Variants in NUCB1 observed in about 807,000 individuals in gnomAD.
NUCB1 encodes nucleobindin 1.
In NUCB1, 47 loss-of-function variants were observed where a neutral mutation model predicts 61.2. That is an observed-to-expected ratio of 0.77 (90% CI 0.61 to 0.98). The LOEUF is 0.98. NUCB1 is among the 50% of genes least tolerant of loss of function. NUCB1 has a pLI of 0.00. For missense variants in NUCB1, 583 were observed against 605.3 expected, an observed-to-expected ratio of 0.96 and a Z score of 0.39; for synonymous variants, 234 against 243.1, an observed-to-expected ratio of 0.96 and a Z score of 0.35.
chr19:48,913,640 G>A, intron 7 of NUCB1, 76 bp downstream of exon 7: 1 of 1,252,556 alleles, frequency 8.0e-7, no homozygotes, highest in Admixed American at 1.7e-5. Context: ...TGCTAAGAGG[G>A]GTGTGTCTGT....
rs2037631353 is a variant in NUCB1 at position 48,923,226 on chromosome 19, C to G, written c.*802C>G. On this transcript the variant is annotated 3_prime_UTR_variant, in exon 13 of 13. Coordinates refer to ENST00000405315, the MANE Select transcript of NUCB1 (RefSeq NM_006184.6). ...CACTGCTCCGCATCCTGCTGTGTGTCCTGTTCCATGTTCCGGTTCCATCCA... is the reference window on the plus strand; with the variant it reads ...CACTGCTCCGCATCCTGCTGTGTGTGCTGTTCCATGTTCCGGTTCCATCCA... 2 of 152,524 alleles carry G rather than the reference C, an allele frequency of 1.3e-5. No homozygotes were observed. Among genetic ancestry groups the G allele is most frequent in the African/African-American group, 4.8e-5 (2 of 41,470 alleles). The allele number at this position is 152,524 out of a possible 1,614,324, so 9.4% of individuals were successfully genotyped here. A position where few individuals can be genotyped will look rare whatever the true frequency, so the allele number is the denominator to read the frequency against.
intron 12 of NUCB1, 89 bp from the exon 13 acceptor site, chr19:48,922,229 G>C: frequency 9.2e-7 from 1 of 1,085,622 alleles, no homozygotes; most frequent in Non-Finnish European, 1.4e-6. Flanking sequence ...GGACCCCTGG[G>C]TGTGAGGGAG....
chr19:48,903,078 G>T (rs1185622714), intron 2 of NUCB1, among the ~76,000 whole-genome samples: 1 of 152,050 alleles, frequency 6.6e-6, no homozygotes, highest in Admixed American at 6.6e-5. Context: ...AAAGCACTGG[G>T]ATTACAGGCA....
intron 4 of NUCB1, among the ~76,000 whole-genome samples, chr19:48,909,506 C>T (rs2037449481): frequency 6.6e-6 from 1 of 151,954 alleles, no homozygotes; most frequent in Admixed American, 6.6e-5. Context: ...CTTGGCCTCC[C>T]AAAGTGCTAG....
intron 2 of NUCB1, among the ~76,000 whole-genome samples, chr19:48,902,251 C>T (rs2037359625): frequency 6.6e-6 from 1 of 152,006 alleles, no homozygotes; most frequent in Non-Finnish European, 1.5e-5. Flanking sequence ...GCTGGGACTA[C>T]AGGCGCACAC....
At chr19:48,917,326 A>AT (rs1276320661) in intron 7 of NUCB1, among the ~76,000 whole-genome samples, 6 of 151,534 alleles carry the variant, frequency 4.0e-5, no homozygotes, top group Admixed American at 2.6e-4. Flanking sequence ...TTTATTTTTC[A>AT]TTTTTTTTAT....
Position 48,905,765 on chromosome 19 carries a change from A to T in NUCB1, c.256A>T (p.Ser86Cys). 7 of 1,614,088 alleles carry T rather than the reference A, an allele frequency of 4.3e-6. No homozygotes were observed. Among genetic ancestry groups the T allele is most frequent in the Non-Finnish European group, 5.9e-6 (7 of 1,180,028 alleles). ...CCTCTCCTGTCAGAGCGGGAAGCTG[A>T]GCCGAGAGCTGGACTTTGTCAGCCA... ...NAEDIKSGKL[S>C]RELDFVSHHV... Residue 86 changes from serine (S) to cysteine (C), a missense_variant, in exon 4 of 13, where the codon AGC (serine) becomes TGC (cysteine). Coordinates refer to ENST00000405315, the MANE Select transcript of NUCB1 (RefSeq NM_006184.6).
intron 7 of NUCB1, among the ~76,000 whole-genome samples, chr19:48,916,838 C>T (rs920968022): frequency 1.3e-5 from 2 of 152,138 alleles, no homozygotes; most frequent in African/African-American, 4.8e-5. Context: ...ATCACTTAAA[C>T]CCTGGAGGTG....
At position 48,911,149 on chromosome 19, in the gene NUCB1, A is replaced by T; in HGVS notation, c.377A>T (p.Asn126Ile). ...KAKMDAEQDP[N>I]VQVDHLNLLK... is the part of the protein sequence containing the mutation. ...TGTTGGACTCTTCCCTCTCTTCCAGATGTACAGGTGGATCATCTGAATCTC... is the reference window on the plus strand; with the variant it reads ...TGTTGGACTCTTCCCTCTCTTCCAGTTGTACAGGTGGATCATCTGAATCTC... Residue 126 changes from asparagine (N) to isoleucine (I), a missense_variant and splice_region_variant, in exon 5 of 13, where the codon AAT becomes ATT. Coordinates refer to ENST00000405315, the MANE Select transcript of NUCB1 (RefSeq NM_006184.6). 1 of 1,609,896 alleles carries T rather than the reference A, an allele frequency of 6.2e-7. No homozygotes were observed.
chr19:48,922,873 T>G lies in NUCB1; in HGVS notation c.*449T>G. On this transcript the variant is annotated 3_prime_UTR_variant, in exon 13 of 13. Coordinates refer to ENST00000405315, the MANE Select transcript of NUCB1 (RefSeq NM_006184.6). ...AGCTTCTGGTTGATTAATGAGGGCA[T>G]GGGGTGGTCCCTCAAGACCTTCCCC... The G allele has an allele frequency of 5.8e-6, 1 of 172,120 alleles. No homozygotes were observed. The highest frequency in any genetic ancestry group is 1.3e-5 in the Non-Finnish European group (1 of 79,880). 10.7% of individuals were successfully genotyped at this position (172,120 alleles called of 1,614,324 possible).
At chr19:48,914,611 T>G (rs1352633110) in intron 7 of NUCB1, among the ~76,000 whole-genome samples, 1 of 152,094 alleles carries the variant, frequency 6.6e-6, no homozygotes, top group Non-Finnish European at 1.5e-5. Flanking sequence ...GTGCTAGCAT[T>G]TTACGTAAGC....
At chr19:48,913,634 A>G (rs1356988640) in intron 7 of NUCB1, 70 bp downstream of exon 7, 2 of 1,291,750 alleles carry the variant, frequency 1.5e-6, no homozygotes, top group Non-Finnish European at 2.3e-6. Flanking sequence ...CCTGAATGCT[A>G]AGAGGGGTGT....
intron 2 of NUCB1, among the ~76,000 whole-genome samples, chr19:48,903,014 C>A (rs2037368913): frequency 6.6e-6 from 1 of 151,662 alleles, no homozygotes; most frequent in Admixed American, 6.6e-5. Flanking sequence ...AGGATCATAC[C>A]TCACTGCAGC....
In NUCB1 at chr19:48,919,213, G is replaced by A. The variant is rs1042181948; in HGVS notation, c.929G>A (p.Arg310His). 2.5e-6 allele frequency: 4 copies of A among 1,613,894 alleles called. No individual in the cohort carries two copies. The African/African-American group carries it at 5.3e-5, about 22-fold the overall frequency. The change falls in exon 10 of 13, where the codon CGC (arginine) becomes CAC (histidine). Residue 310 changes from arginine (R) to histidine (H), a missense_variant. By Grantham distance (29) the Arg-to-His change is conservative. Transcript: ENST00000405315. Reference protein sequence around the residue: ...VMKNVDTNQDRLVTLEEFLAS... With the variant: ...VMKNVDTNQDHLVTLEEFLAS... ...CCCCAGGTGGACACCAACCAGGACC[G>A]CCTCGTGACCCTGGAGGAGTTCCTC...
chr19:48,904,846 C>T (rs1445197723), intron 3 of NUCB1, among the ~76,000 whole-genome samples: 1 of 152,172 alleles, frequency 6.6e-6, no homozygotes, highest in African/African-American at 2.4e-5. Flanking sequence ...AAAGGGGCCA[C>T]ATGGCTCCAG....
chr19:48,921,440 GC>G, intron 11 of NUCB1, 116 bp downstream of exon 11: 2 of 1,186,212 alleles, frequency 1.7e-6, no homozygotes, highest in East Asian at 5.1e-5. Flanking sequence ...CACTGGGGGA[GC>G]CTCAAGTATT....
chr19:48,901,151 A>G, intron 2 of NUCB1: 3 of 618,050 alleles, frequency 4.9e-6, no homozygotes, highest in Non-Finnish European at 8.9e-6. Context: ...CGCCCCAACT[A>G]AACGTCTGTT....
At chr19:48,911,572 A>T (rs1176571676) in intron 5 of NUCB1, among the ~76,000 whole-genome samples, 1 of 151,220 alleles carries the variant, frequency 6.6e-6, no homozygotes, top group Non-Finnish European at 1.5e-5. Context: ...CGCCCAGAAA[A>T]TTTTTGTATT....
At chr19:48,918,623 C>T (rs1008997853) in intron 7 of NUCB1, 103 bp from the exon 8 acceptor site, 1 of 878,106 alleles carries the variant, frequency 1.1e-6, no homozygotes, top group African/African-American at 1.6e-5. Flanking sequence ...AGTTACCTGT[C>T]CTCTGATAAC....
Sources: gnomAD v4.1 joint callset for allele counts (sites outside exome capture counted in the v4.1 genomes callset) on GRCh38, gnomAD v4.1.1 for gene constraint, MANE v1.5 for transcripts, NCBI Gene and HGNC (gene_info 2026-07-23, HGNC 2026-07-21) for gene names.